The following RNF213 variants were observed in gnomAD, a reference collection of about 807,000 sequenced individuals.
The protein encoded by RNF213 is E3 ubiquitin-protein ligase RNF213.
Under a neutral mutation model 514.4 loss-of-function variants are expected in RNF213, and 341 were observed. The ratio of observed to expected loss-of-function variants is 0.66; its 90% CI spans 0.61 to 0.73. RNF213 has a LOEUF of 0.73. Among genes scored for constraint, RNF213 ranks in the 30% least tolerant of loss-of-function variants. The pLI, the probability that RNF213 is intolerant of heterozygous loss-of-function variation, is 0.00. For missense variants in RNF213, 5,767 were observed against 6,615.6 expected, an observed-to-expected ratio of 0.87 and a Z score of 4.45; for synonymous variants, 2,655 against 2,658.2, an observed-to-expected ratio of 1.00 and a Z score of 0.04.
At chr17:80,354,396 G>GCT in intron 35 of RNF213, 45 bp from the exon 36 acceptor site, 1 of 1,613,908 alleles carries the variant, frequency 6.2e-7, no homozygotes, top group Middle Eastern at 1.7e-4. Context: ...GGAGCCAACA[G>GCT]CTCAGCCACG....
chr17:80,396,725 TTCCC>T lies in RNF213; in HGVS notation c.*3228_*3231del, dbSNP rs1270276476. 2 of 67,648 alleles carry T rather than the reference TTCCC, an allele frequency of 3.0e-5. No individual in the cohort carries two copies. Among genetic ancestry groups the T allele is most frequent in the Admixed American group, 1.5e-4 (1 of 6,866 alleles). The allele number at this position is 67,648 out of a possible 1,614,324, so 4.2% of individuals were successfully genotyped here. On this transcript the variant is annotated 3_prime_UTR_variant, in exon 68 of 68. Coordinates refer to ENST00000582970, the MANE Select transcript of RNF213 (RefSeq NM_001256071.3). Reference sequence around the variant, plus strand: ...AAAAACAAGCGCCAGGAAAGTGCATTTCCCCCCCACCCCCCCCCCCCAACCAGAG... The same window carrying T: ...AAAAACAAGCGCCAGGAAAGTGCATTCCCCACCCCCCCCCCCCAACCAGAG...
At chr17:80,342,743 A>G (rs1568097866) in intron 26 of RNF213, among the ~76,000 whole-genome samples, 1 of 145,524 alleles carries the variant, frequency 6.9e-6, no homozygotes, top group African/African-American at 2.5e-5. Context: ...TTATATATAT[A>G]TTGTATGTAT....
At chr17:80,322,323 G>C (rs2046167465) in intron 17 of RNF213, among the ~76,000 whole-genome samples, 1 of 151,382 alleles carries the variant, frequency 6.6e-6, no homozygotes, top group Non-Finnish European at 1.5e-5. Flanking sequence ...ACCATGTTCA[G>C]CTAATTAAAA....
Position 80,337,695 on chromosome 17 carries a change from A to T in RNF213, c.4637A>T (p.Tyr1546Phe). The T allele has an allele frequency of 6.5e-7, 1 of 1,537,304 alleles. No individual in the cohort carries two copies. The part of the protein sequence containing the change: ...LATAINQRGI[Y>F]VIQAPKGGQK... ...ACGGCCATCAACCAAAGAGGCATCT[A>T]TGTGATCCAGGCGCCCAAAGGTGGC... Residue 1546 changes from tyrosine (Y) to phenylalanine (F), a missense_variant, in exon 24 of 68, where the codon TAT becomes TTT. By Grantham distance (22) the Tyr-to-Phe change is conservative. This residue lies in a region of RNF213 where 1,377 missense variants were observed against 1,635.2 expected (regional missense o/e 0.84). Transcript: ENST00000582970.
At chr17:80,328,513 C>T in intron 20 of RNF213, 36 bp downstream of exon 20, 1 of 1,535,822 alleles carries the variant, frequency 6.5e-7, no homozygotes, top group Non-Finnish European at 8.7e-7. Flanking sequence ...GTTGAGGGCT[C>T]TCAAAGGGTT....
At chr17:80,290,758 C>G (rs1414871623) in intron 7 of RNF213, 30 bp downstream of exon 7, 12 of 1,613,738 alleles carry the variant, frequency 7.4e-6, no homozygotes, top group Non-Finnish European at 8.5e-6. Context: ...TGGGAGGAAT[C>G]CCTCAGGGAA....
At position 80,394,049 on chromosome 17, in the gene RNF213, G is replaced by A. The variant is rs569910923; in HGVS notation, c.*551G>A. The A allele has an allele frequency of 2.5e-5, 4 of 158,614 alleles. No individual in the cohort carries two copies. The highest frequency in any genetic ancestry group is 9.6e-5 in the African/African-American group (4 of 41,564). 9.8% of individuals were successfully genotyped at this position (158,614 alleles called of 1,614,324 possible). ...AGAAAAATCAGGGCATTTTGTGAGT[G>A]CCTTAAGATCAAACTAACAAGATCT... On this transcript the variant is annotated 3_prime_UTR_variant, in exon 68 of 68. Transcript: ENST00000582970.
chr17:80,273,220 T>A (rs752820465), intron 2 of RNF213, 21 bp from the exon 3 acceptor site: 1 of 1,613,146 alleles, frequency 6.2e-7, no homozygotes, highest in East Asian at 2.2e-5. Flanking sequence ...GATCTGACCC[T>A]TCCTTCATCT....
chr17:80,366,506 T>G (rs2079279680), intron 42 of RNF213, among the ~76,000 whole-genome samples: 1 of 152,230 alleles, frequency 6.6e-6, no homozygotes, highest in African/African-American at 2.4e-5. Flanking sequence ...GCATCCTTCA[T>G]GTGCTTGTTG....
At position 80,288,410 on chromosome 17, in the gene RNF213, G is replaced by A. The variant is rs372260408; in HGVS notation, c.810+47G>A. On this transcript the variant is annotated intron_variant, in intron 4 of 67. Transcript: ENST00000582970. This position sits in a 1 kb window ranked among gnomAD's most constrained non-coding sequence, Gnocchi z 4.9. ...GCCTGGGAGTGGCACTGAGCCCTCG[G>A]CACCTGGGCTCTGCTGCAAGGTGCT... 1.6e-3 allele frequency: 2,520 copies of A among 1,605,798 alleles called. 4 individuals are homozygous for A. Among genetic ancestry groups the A allele is most frequent in the Non-Finnish European group, 2.0e-3 (2,365 of 1,177,138 alleles).
In RNF213 at chr17:80,339,612, G is replaced by C; in HGVS notation, c.5245G>C (p.Gly1749Arg). 1 of 1,537,170 alleles carries C rather than the reference G, an allele frequency of 6.5e-7. No homozygotes were observed. Among genetic ancestry groups the C allele is most frequent in the Non-Finnish European group, 8.7e-7 (1 of 1,146,884 alleles). The stretch of plus-strand genomic sequence containing the variant: ...TGTCTTAAGGGCCTCTGTGGGGTGT[G>C]GGAGTGAGGCCGCCAGGTACCGCAT... ...RDVLRASVGC[G>R]SEAARYRMRR... Residue 1749 changes from glycine (G) to arginine (R), a missense_variant, in exon 26 of 68, where the codon GGG becomes CGG. Gly to Arg is a moderately radical substitution (Grantham distance 125). Transcript: ENST00000582970.
rs778859868 is a variant in RNF213, at chr17:80,307,089, C to A, written c.2428-39C>A. 5.6e-6 allele frequency: 9 copies of A among 1,593,984 alleles called. No individual in the cohort carries two copies. In the South Asian group the frequency reaches 9.9e-5, roughly 18 times the overall value. Reference sequence around the variant, plus strand: ...TAGCAATGACAGTGGCATTGTGATTCAATCTTTTGTCCTGTTTTTCTTTTT... The same window carrying A: ...TAGCAATGACAGTGGCATTGTGATTAAATCTTTTGTCCTGTTTTTCTTTTT... On this transcript the variant is annotated intron_variant, in intron 12 of 67. Coordinates refer to ENST00000582970, the MANE Select transcript of RNF213 (RefSeq NM_001256071.3).
intron 36 of RNF213, among the ~76,000 whole-genome samples, 174 bp from the exon 37 acceptor site, chr17:80,358,114 T>C (rs1175904172): frequency 1.3e-5 from 2 of 152,234 alleles, no homozygotes; most frequent in Non-Finnish European, 2.9e-5. Flanking sequence ...TGTGAGTCTG[T>C]TTTCTAGGAC....
At position 80,345,023 on chromosome 17, in the gene RNF213, G is replaced by A; in HGVS notation, c.6688G>A (p.Glu2230Lys). The change falls in exon 29 of 68, where the codon GAG becomes AAG. Residue 2230 changes from glutamate to lysine, a missense_variant. By Grantham distance (56) the Glu-to-Lys change is moderately conservative. Around this residue, in one of 13 missense-constraint regions of RNF213, gnomAD observed 1,377 missense variants for 1,635.2 expected, o/e 0.84. Coordinates refer to ENST00000582970, the MANE Select transcript of RNF213 (RefSeq NM_001256071.3). This position sits in a 1 kb window ranked among gnomAD's most constrained non-coding sequence, Gnocchi z 6.0. ...CCTGAATTATCAGCTCAGAGATTGT[G>A]AGGCCTCTCTCTTCTGCAATCCGAG... is the stretch of plus-strand genomic sequence containing the variant. ...RFLNYQLRDCEASLFCNPSFI... is the reference protein window; with the variant it reads ...RFLNYQLRDCKASLFCNPSFI... The A allele has an allele frequency of 6.2e-7, 1 of 1,614,150 alleles. No individual in the cohort carries two copies.
intron 63 of RNF213, among the ~76,000 whole-genome samples, chr17:80,387,943 G>A (rs2144650893): frequency 6.7e-6 from 1 of 148,834 alleles, no homozygotes; most frequent in South Asian, 2.1e-4. Context: ...GGAACTGTGA[G>A]AGCCCATGGA....
At chr17:80,357,205 G>A (rs537958246) in intron 36 of RNF213, among the ~76,000 whole-genome samples, 25 of 152,226 alleles carry the variant, frequency 1.6e-4, no homozygotes, top group East Asian at 5.8e-4. Flanking sequence ...GTGAGCCACC[G>A]TGCCCAGCCA....
chr17:80,262,114 G>A (rs962333968), intron 1 of RNF213, among the ~76,000 whole-genome samples: 2 of 152,134 alleles, frequency 1.3e-5, no homozygotes, highest in Non-Finnish European at 2.9e-5. Flanking sequence ...AGGCCTGGGC[G>A]GTGGGGAGTC....
rs2044560664 is a variant in RNF213 at position 80,288,556 on chromosome 17, G to C, written c.811-77G>C. The C allele has an allele frequency of 1.2e-6, 2 of 1,612,904 alleles. No individual in the cohort carries two copies. Among genetic ancestry groups the C allele is most frequent in the Non-Finnish European group, 1.7e-6 (2 of 1,179,584 alleles). On this transcript the variant is annotated intron_variant, in intron 4 of 67. Transcript: ENST00000582970. This position sits in a 1 kb window ranked among gnomAD's most constrained non-coding sequence, Gnocchi z 4.9. Reference sequence around the variant, plus strand: ...CCCTGTCCCTCGGCTTGTGGCAGATGCTGCCCCTTAAACCATTGAGTCGGA... The same window carrying C: ...CCCTGTCCCTCGGCTTGTGGCAGATCCTGCCCCTTAAACCATTGAGTCGGA...
chr17:80,291,927 G>A, intron 8 of RNF213, 100 bp downstream of exon 8: 1 of 1,296,218 alleles, frequency 7.7e-7, no homozygotes, highest in Non-Finnish European at 1.1e-6. Context: ...ACTTTGCCTG[G>A]GCAGTGAGGT....
Sources: gnomAD v4.1 joint callset for allele counts (sites outside exome capture counted in the v4.1 genomes callset) on GRCh38, gnomAD v4.1.1 for gene constraint, gnomAD v4.1.1 regional missense constraint, Gnocchi (gnomAD v3.1) non-coding constraint, MANE v1.5 for transcripts, NCBI Gene and HGNC (gene_info 2026-07-23, HGNC 2026-07-21) for gene names.